Variants in ZCCHC2 observed in about 807,000 individuals in gnomAD.
ZCCHC2 encodes zinc finger CCHC-type containing 2.
Under a neutral mutation model 103.6 loss-of-function variants are expected in ZCCHC2, and 39 were observed. That is an observed-to-expected ratio of 0.38 (90% confidence interval 0.29 to 0.49). The LOEUF (loss-of-function observed/expected upper bound fraction) is 0.49. Among genes scored for constraint, ZCCHC2 ranks in the 20% least tolerant of loss-of-function variants. The probability of loss-of-function intolerance (pLI) is 0.96; values close to 1 mark genes in which losing one functional copy is unlikely to be tolerated. For synonymous variants in ZCCHC2, 687 were observed against 608.9 expected (o/e 1.13, Z -1.89); for missense variants, 1,483 against 1,491.0 (o/e 0.99, Z 0.09).
Position 62,523,376 on chromosome 18 carries a change from G to GGGGGGGGGGGCCC in ZCCHC2, c.-49_-48insGGGGGGGGGGCCC. ...GCCTCGGCCCGTGCTCCACCTCGCGGCCCCTCCCGCCCGCCCCCGCTCGCA... is the reference window on the plus strand; with the variant it reads ...GCCTCGGCCCGTGCTCCACCTCGCGGGGGGGGGGGGCCCCCCCTCCCGCCCGCCCCCGCTCGCA... On this transcript the variant is annotated 5_prime_UTR_variant, in exon 1 of 14. Transcript: ENST00000269499. 9.9e-7 allele frequency: 1 copy of GGGGGGGGGGGCCC among 1,012,354 alleles called. No individual in the cohort carries two copies. Among genetic ancestry groups the GGGGGGGGGGGCCC allele is most frequent in the Non-Finnish European group, 1.2e-6 (1 of 848,990 alleles). The allele number at this position is 1,012,354 out of a possible 1,614,324, so 62.7% of individuals were successfully genotyped here.
rs1915609830 is a variant in ZCCHC2, at chr18:62,550,341, T to C, written c.1201-7T>C. On this transcript the variant is annotated splice_region_variant and splice_polypyrimidine_tract_variant and intron_variant, in intron 4 of 13. Transcript: ENST00000269499. ...TAACATTGGATATTGTGGTTTTTCT[T>C]TTCTAGCTTCCAAAGGAACTGTCTT... The C allele has an allele frequency of 1.2e-6, 2 of 1,606,378 alleles. No homozygotes were observed. Among genetic ancestry groups the C allele is most frequent in the Non-Finnish European group, 8.5e-7 (1 of 1,174,714 alleles).
In ZCCHC2 at chr18:62,531,894, G is replaced by A. The variant is rs377338248; in HGVS notation, c.939+7531G>A. On this transcript the variant is annotated intron_variant, in intron 1 of 13. Coordinates refer to ENST00000269499, the MANE Select transcript of ZCCHC2 (RefSeq NM_017742.6). ...AGCTACTCAGAAGGCTGAGGTGGGA[G>A]GATCACTTGAGCCTGGGAGGTCAAG... 7.9e-5 allele frequency among the ~76,000 whole-genome samples: 12 copies of A among 152,314 alleles called. No homozygotes were observed. The East Asian group carries it at 1.7e-3, about 22-fold the overall frequency.
In ZCCHC2 at chr18:62,563,905, T is replaced by C. The variant is rs73453885; in HGVS notation, c.1687-666T>C. On this transcript the variant is annotated intron_variant, in intron 9 of 13. Coordinates refer to ENST00000269499, the MANE Select transcript of ZCCHC2 (RefSeq NM_017742.6). The stretch of plus-strand genomic sequence containing the variant: ...TTGCTTTCTTAAGATTTGGGTGTGA[T>C]CAGAGAGCAGAATGCTGTTAAGTAT... Among the ~76,000 whole-genome samples the C allele has an allele frequency of 4.7e-3, 716 of 152,284 alleles. 8 individuals are homozygous for C. Among genetic ancestry groups the C allele is most frequent in the African/African-American group, 0.017 (687 of 41,558 alleles).
chr18:62,533,505 A>C (rs1207520140), intron 1 of ZCCHC2, among the ~76,000 whole-genome samples: 3 of 152,186 alleles, frequency 2.0e-5, no homozygotes, highest in Non-Finnish European at 4.4e-5. Context: ...AACCAGGGTG[A>C]CAGAGTCAGA....
At chr18:62,541,222 G>A (rs1453932831) in intron 2 of ZCCHC2, among the ~76,000 whole-genome samples, 2 of 152,058 alleles carry the variant, frequency 1.3e-5, no homozygotes, top group East Asian at 1.9e-4. Flanking sequence ...GAGATTTTCC[G>A]TTGTTTCCAT....
At chr18:62,548,210 AAC>A (rs1262157786) in intron 4 of ZCCHC2, among the ~76,000 whole-genome samples, 3 of 152,264 alleles carry the variant, frequency 2.0e-5, no homozygotes, top group African/African-American at 7.2e-5. Context: ...GAAAATTCAA[AAC>A]ACGTGACTAG....
intron 1 of ZCCHC2, among the ~76,000 whole-genome samples, chr18:62,528,955 T>C (rs1914562091): frequency 6.6e-6 from 1 of 151,732 alleles, no homozygotes; most frequent in Admixed American, 6.6e-5. Context: ...AGGTCAGGAG[T>C]TAGAGACCAG....
Position 62,563,034 on chromosome 18 carries a change from T to C in ZCCHC2, c.1576T>C (p.Leu526=), listed in dbSNP as rs760262007. The C allele has an allele frequency of 4.3e-6, 7 of 1,613,086 alleles. No individual in the cohort carries two copies. Among genetic ancestry groups the C allele is most frequent in the African/African-American group, 2.7e-5 (2 of 74,918 alleles). Residue 526 remains leucine (L), a synonymous_variant, in exon 9 of 14, where the codon TTG becomes CTG. Coordinates refer to ENST00000269499, the MANE Select transcript of ZCCHC2 (RefSeq NM_017742.6). ...CAATATTGGTACAAGTTGTTCTCCATTGGATGGGCTTACCATGCAATATTC... is the reference window on the plus strand; with the variant it reads ...CAATATTGGTACAAGTTGTTCTCCACTGGATGGGCTTACCATGCAATATTC... The part of the protein sequence containing the change: ...VNNIGTSCSP[L]DGLTMQYSEQ...
Position 62,558,784 on chromosome 18 carries a change from C to A in ZCCHC2, c.1492+14C>A, listed in dbSNP as rs200591400. ...GTCAAGAAGAAGGTAAAGGTAGATT[C>A]ACTAGAGTAAATCATTCTGCCTGCT... On this transcript the variant is annotated intron_variant, in intron 7 of 13. Transcript: ENST00000269499. 1 of 1,508,188 alleles carries A rather than the reference C, an allele frequency of 6.6e-7. No homozygotes were observed. Among genetic ancestry groups the A allele is most frequent in the Admixed American group, 2.2e-5 (1 of 46,314 alleles). 93.4% of individuals were successfully genotyped at this position (1,508,188 alleles called of 1,614,324 possible).
intron 14 of ZCCHC2, among the ~76,000 whole-genome samples, chr18:62,583,913 C>T (rs1445929171): frequency 1.3e-5 from 2 of 152,074 alleles, no homozygotes; most frequent in Non-Finnish European, 2.9e-5. Context: ...GGAGTGCCCT[C>T]GCCCCTTCAG....
chr18:62,568,689 G>A (rs1055493262), intron 11 of ZCCHC2, among the ~76,000 whole-genome samples: 6 of 152,234 alleles, frequency 3.9e-5, no homozygotes, highest in Admixed American at 3.3e-4. Context: ...TTTGATGAAC[G>A]CTACCCCTGA....
chr18:62,535,231 C>T (rs1030042642), intron 1 of ZCCHC2, among the ~76,000 whole-genome samples: 1 of 152,218 alleles, frequency 6.6e-6, no homozygotes, highest in Non-Finnish European at 1.5e-5. Flanking sequence ...CCCCAGAACA[C>T]CCTGATGTGG....
chr18:62,558,262 A>G (rs1915975876), intron 6 of ZCCHC2, among the ~76,000 whole-genome samples: 1 of 152,196 alleles, frequency 6.6e-6, no homozygotes, highest in African/African-American at 2.4e-5. Flanking sequence ...AGAAATTGAG[A>G]GCAGACACTG....
At chr18:62,544,997 T>C in intron 4 of ZCCHC2, 124 bp downstream of exon 4, 1 of 720,282 alleles carries the variant, frequency 1.4e-6, no homozygotes, top group Non-Finnish European at 2.2e-6. Flanking sequence ...GAACTCTAAA[T>C]GAACATTAGC....
At chr18:62,534,635 T>G (rs961646577) in intron 1 of ZCCHC2, among the ~76,000 whole-genome samples, 2 of 152,248 alleles carry the variant, frequency 1.3e-5, no homozygotes, top group African/African-American at 4.8e-5. Flanking sequence ...TGTTTCTTGT[T>G]AGAAATGTCT....
rs1009296075 is a variant in ZCCHC2, at chr18:62,562,190, C to T, written c.1551-819C>T. On this transcript the variant is annotated intron_variant, in intron 8 of 13. Coordinates refer to ENST00000269499, the MANE Select transcript of ZCCHC2 (RefSeq NM_017742.6). Reference sequence around the variant, plus strand: ...TTTTTTTTTGTATTTTTAGTAGAGACGGAGTTTCACTATGTTGGCCAGGAT... The same window carrying T: ...TTTTTTTTTGTATTTTTAGTAGAGATGGAGTTTCACTATGTTGGCCAGGAT... Among the ~76,000 whole-genome samples, 12 of 152,038 alleles carry T rather than the reference C, an allele frequency of 7.9e-5. No individual in the cohort carries two copies. The East Asian group carries it at 1.9e-3, about 25-fold the overall frequency.
At chr18:62,550,483 T>C in intron 5 of ZCCHC2, 23 bp downstream of exon 5, 1 of 1,581,622 alleles carries the variant, frequency 6.3e-7, no homozygotes, top group Non-Finnish European at 8.7e-7. Context: ...CTGACGCCTA[T>C]CATAGCAGCA....
chr18:62,537,608 C>T (rs762834745), intron 1 of ZCCHC2, among the ~76,000 whole-genome samples: 11 of 152,194 alleles, frequency 7.2e-5, no homozygotes, highest in Admixed American at 2.6e-4. Context: ...TATTATGTAT[C>T]AGAATTGCAT....
At chr18:62,530,299 C>T (rs535260750) in intron 1 of ZCCHC2, among the ~76,000 whole-genome samples, 1 of 152,270 alleles carries the variant, frequency 6.6e-6, no homozygotes, top group Admixed American at 6.5e-5. Context: ...TGATAGTTGT[C>T]AGCCAGGCCA....
Sources: allele counts gnomAD v4.1 joint callset (sites outside exome capture counted in the v4.1 genomes callset), GRCh38; gene constraint gnomAD v4.1.1; transcripts MANE v1.5; gene names NCBI Gene and HGNC (gene_info 2026-07-23, HGNC 2026-07-21).